Variants in ORC2 observed in about 807,000 individuals in gnomAD.
ORC2 encodes origin recognition complex protein 2 homolog.
A neutral mutation model predicts 77.7 loss-of-function variants in ORC2; 37 were observed. The observed-to-expected ratio is 0.48, with a 90% CI of 0.37 to 0.63. ORC2 has a LOEUF of 0.63. Ranked by LOEUF, ORC2 falls within the 20% of genes least tolerant of loss-of-function variation. ORC2 has a pLI of 0.00. For synonymous variants in ORC2, 201 were observed against 229.5 expected, an observed-to-expected ratio of 0.88 and a Z score of 1.12; for missense variants, 557 against 661.9, an observed-to-expected ratio of 0.84 and a Z score of 1.74.
intron 13 of ORC2, among the ~76,000 whole-genome samples, chr2:200,923,634 GA>G (rs774991605): frequency 3.3e-5 from 5 of 152,122 alleles, no homozygotes; most frequent in Non-Finnish European, 7.3e-5. Flanking sequence ...ATAACTGAAG[GA>G]AGTTTATATA....
intron 6 of ORC2, 60 bp downstream of exon 6, chr2:200,942,625 C>A: frequency 3.8e-6 from 3 of 793,356 alleles, no homozygotes; most frequent in Non-Finnish European, 3.9e-6. Context: ...AAAAAAGTAA[C>A]ATGCTCTATC....
chr2:200,944,327 T>C (rs557992169), intron 5 of ORC2, among the ~76,000 whole-genome samples: 1 of 152,202 alleles, frequency 6.6e-6, no homozygotes, highest in African/African-American at 2.4e-5. Flanking sequence ...ATGTGTGCCA[T>C]CATGCCCACC....
Position 200,911,238 on chromosome 2 carries a change from A to G in ORC2, c.*63T>C. On this transcript the variant is annotated 3_prime_UTR_variant, in exon 18 of 18. Coordinates refer to ENST00000234296, the MANE Select transcript of ORC2 (RefSeq NM_006190.5). ...TGTCAGATGTAAACACAACACTTTC[A>G]ACTAGAGGAGTGGCAGCTGGGGTAC... 1 of 930,720 alleles carries G rather than the reference A, an allele frequency of 1.1e-6. No homozygotes were observed. Among genetic ancestry groups the G allele is most frequent in the Non-Finnish European group, 1.8e-6 (1 of 567,520 alleles). 57.7% of individuals were successfully genotyped at this position (930,720 alleles called of 1,614,324 possible).
intron 11 of ORC2, among the ~76,000 whole-genome samples, chr2:200,930,506 C>A (rs1575163309): frequency 7.3e-6 from 1 of 136,300 alleles, no homozygotes. Context: ...CCTAGCATAA[C>A]TTTTTTTTTT....
Position 200,935,807 on chromosome 2 carries a change from C to T in ORC2, c.600G>A (p.Glu200=). 1 of 1,613,888 alleles carries T rather than the reference C, an allele frequency of 6.2e-7. No homozygotes were observed. Among genetic ancestry groups the T allele is most frequent in the African/African-American group, 1.3e-5 (1 of 75,040 alleles). The change falls in exon 9 of 18, where the codon GAG becomes GAA. Residue 200 remains glutamate, a synonymous_variant. Coordinates refer to ENST00000234296, the MANE Select transcript of ORC2 (RefSeq NM_006190.5). ...GGCTGAATATGACTGCATTAGTGTCCTCTTCATGTTCCTGTGCAACCCCTT... is the reference window on the plus strand; with the variant it reads ...GGCTGAATATGACTGCATTAGTGTCTTCTTCATGTTCCTGTGCAACCCCTT... The part of the protein sequence containing the change: ...DDEGVAQEHE[E]DTNAVIFSQK...
intron 13 of ORC2, among the ~76,000 whole-genome samples, chr2:200,924,735 A>G (rs1379711088): frequency 6.6e-6 from 1 of 152,308 alleles, no homozygotes; most frequent in Non-Finnish European, 1.5e-5. Context: ...AATGATATGT[A>G]CACAGAATAA....
Position 200,920,381 on chromosome 2 carries a change from G to T in ORC2, c.1307C>A (p.Ala436Glu). The T allele has an allele frequency of 6.3e-7, 1 of 1,597,944 alleles. No individual in the cohort carries two copies. ...GAGCCAGTTAAAAAGACTCTGCTTT[G>T]CATGATCCCACACTAGCACATGATC... The part of the protein sequence containing the change: ...HLNAPLMWDH[A>E]KQSLFNWLWY... The change falls in exon 15 of 18, where the codon GCA becomes GAA. Residue 436 changes from alanine to glutamate, a missense_variant. Ala to Glu is a moderately radical substitution (Grantham distance 107). Transcript: ENST00000234296.
In ORC2 at chr2:200,925,952, G is replaced by A. The variant is rs770256364; in HGVS notation, c.1051-20C>T. 1.9e-6 allele frequency: 2 copies of A among 1,079,698 alleles called. No homozygotes were observed. The highest frequency in any genetic ancestry group is 2.8e-6 in the Non-Finnish European group (2 of 714,798). 66.9% of individuals were successfully genotyped at this position (1,079,698 alleles called of 1,614,324 possible). ...CAGGACCTATATCATGAATGTGGAA[G>A]AGGTACCACATTAATTACAATTTAT... On this transcript the variant is annotated intron_variant, in intron 12 of 17. Coordinates refer to ENST00000234296, the MANE Select transcript of ORC2 (RefSeq NM_006190.5).
In ORC2 at chr2:200,921,141, T is replaced by TA; in HGVS notation, c.1148-3dup. 6.4e-7 allele frequency: 1 copy of TA among 1,570,282 alleles called. No individual in the cohort carries two copies. On this transcript the variant is annotated splice_polypyrimidine_tract_variant and splice_region_variant and intron_variant, in intron 13 of 17. Coordinates refer to ENST00000234296, the MANE Select transcript of ORC2 (RefSeq NM_006190.5). ...GAAGGAAGAGTTCTAAAGAAGAATC[T>TA]AAAAAGAAAAGAAATCCAATTATTA...
At chr2:200,926,642 G>T in intron 12 of ORC2, 126 bp downstream of exon 12, 1 of 805,508 alleles carries the variant, frequency 1.2e-6, no homozygotes, top group Non-Finnish European at 2.0e-6. Context: ...ATGGTATTAA[G>T]CACTATACAA....
chr2:200,928,529 A>G (rs957703670), intron 11 of ORC2, among the ~76,000 whole-genome samples: 1 of 151,762 alleles, frequency 6.6e-6, no homozygotes, highest in Non-Finnish European at 1.5e-5. Context: ...AAAGCCCTAA[A>G]AAGGCCAGGC....
At chr2:200,963,327 C>T in intron 1 of ORC2, 163 bp downstream of exon 1, 1 of 397,274 alleles carries the variant, frequency 2.5e-6, no homozygotes, top group Non-Finnish European at 4.4e-6. Flanking sequence ...GGCAGCGAGG[C>T]GCAAAGACCA....
chr2:200,917,902 T>TA lies in ORC2; in HGVS notation c.1466+2319dup, dbSNP rs756570870. On this transcript the variant is annotated intron_variant, in intron 15 of 17. Coordinates refer to ENST00000234296, the MANE Select transcript of ORC2 (RefSeq NM_006190.5). ...TGGAAAATAAATTGCTAGGGGGGGTTAAAAAAAAAAAAGATATCCCCAAAG... is the reference window on the plus strand; with the variant it reads ...TGGAAAATAAATTGCTAGGGGGGGTTAAAAAAAAAAAAAGATATCCCCAAAG... 3.5e-3 allele frequency among the ~76,000 whole-genome samples: 510 copies of TA among 144,532 alleles called. 5 individuals are homozygous for TA. The highest frequency in any genetic ancestry group is 0.011 in the African/African-American group (441 of 39,474). The allele number at this position is 144,532 out of a possible 152,430, so 94.8% of individuals were successfully genotyped here.
chr2:200,926,631 C>T (rs2040842378), intron 12 of ORC2, 137 bp downstream of exon 12: 1 of 705,880 alleles, frequency 1.4e-6, no homozygotes, highest in Admixed American at 2.6e-5. Flanking sequence ...AGTCCAAACA[C>T]ATGGTATTAA....
chr2:200,960,186 TA>T lies in ORC2; in HGVS notation c.-59-747del, dbSNP rs16836262. ...AGAAATGAGGTTTCACCATGTTGCC[TA>T]GGCTTGTCTCAAACCTTTGGGCTCA... On this transcript the variant is annotated intron_variant, in intron 1 of 17. Coordinates refer to ENST00000234296, the MANE Select transcript of ORC2 (RefSeq NM_006190.5). Among the ~76,000 whole-genome samples, 124 of 151,976 alleles carry T rather than the reference TA, an allele frequency of 8.2e-4. 2 individuals carry two copies. In the East Asian group the frequency reaches 0.023, roughly 28 times the overall value.
At chr2:200,912,208 C>T (rs960363273) in intron 17 of ORC2, among the ~76,000 whole-genome samples, 1 of 152,180 alleles carries the variant, frequency 6.6e-6, no homozygotes, top group African/African-American at 2.4e-5. Context: ...TACCCCAATG[C>T]CTGGTTTCAG....
chr2:200,952,427 T>A (rs2041378215), intron 4 of ORC2, among the ~76,000 whole-genome samples: 1 of 151,478 alleles, frequency 6.6e-6, no homozygotes, highest in African/African-American at 2.4e-5. Context: ...ACCCGGCTAA[T>A]TTTTTTTGTA....
chr2:200,937,415 T>A (rs1319265530), intron 8 of ORC2, among the ~76,000 whole-genome samples: 3 of 152,230 alleles, frequency 2.0e-5, no homozygotes, highest in Non-Finnish European at 4.4e-5. Flanking sequence ...GAAGCCCTGA[T>A]GTTAGGCTGA....
At chr2:200,944,182 CT>C (rs964508223) in intron 5 of ORC2, among the ~76,000 whole-genome samples, 1 of 151,194 alleles carries the variant, frequency 6.6e-6, no homozygotes, top group East Asian at 1.9e-4. Flanking sequence ...AAGATAGTCT[CT>C]TTTTTTTTGA....
Sources: gnomAD v4.1 joint callset for allele counts (sites outside exome capture counted in the v4.1 genomes callset) on GRCh38, gnomAD v4.1.1 for gene constraint, MANE v1.5 for transcripts, NCBI Gene and HGNC (gene_info 2026-07-23, HGNC 2026-07-21) for gene names.